MTSS1: variants seen among roughly 807,000 people sequenced by gnomAD.
MTSS1 encodes MTSS I-BAR domain containing 1.
In MTSS1, 18 loss-of-function variants were observed where a neutral mutation model predicts 79.0. That is an observed-to-expected ratio of 0.23 (90% confidence interval 0.16 to 0.34). The LOEUF is 0.34. Ranked by LOEUF, MTSS1 falls within the 10% of genes least tolerant of loss-of-function variation. MTSS1 has a pLI of 1.00. For missense variants in MTSS1, 815 were observed against 986.2 expected (o/e 0.83, Z 2.33); for synonymous variants, 341 against 368.6 (o/e 0.93, Z 0.86).
chr8:124,706,756 T>C (rs967087190), intron 1 of MTSS1, among the ~76,000 whole-genome samples: 4 of 152,238 alleles, frequency 2.6e-5, no homozygotes, highest in Non-Finnish European at 5.9e-5. Context: ...CAGAACTGTA[T>C]ATTAATTTAT....
intron 3 of MTSS1, among the ~76,000 whole-genome samples, chr8:124,645,205 C>CA (rs1427904738): frequency 1.3e-5 from 2 of 151,858 alleles, no homozygotes; most frequent in African/African-American, 2.4e-5. Flanking sequence ...CTAGTCTCTA[C>CA]AAAAAACAAA....
rs1228856417 is a variant in MTSS1, at chr8:124,727,187, G to A, written c.72+697C>T. Among the ~76,000 whole-genome samples, 2 of 152,214 alleles carry A rather than the reference G, an allele frequency of 1.3e-5. No homozygotes were observed. The highest frequency in any genetic ancestry group is 4.8e-5 in the African/African-American group (2 of 41,468). ...TGTGTGTCCGTTTGGGTCTGGGAGG[G>A]CAGGATACAGTTATTTCGGGGGCCC... On this transcript the variant is annotated intron_variant, in intron 1 of 13. Coordinates refer to ENST00000518547, the MANE Select transcript of MTSS1 (RefSeq NM_014751.6). The surrounding 1 kb of genome is among the most constrained non-coding windows in gnomAD (Gnocchi z 4.7).
intron 1 of MTSS1, among the ~76,000 whole-genome samples, chr8:124,709,085 A>G (rs187055731): frequency 9.9e-5 from 15 of 152,276 alleles, no homozygotes; most frequent in Admixed American, 2.0e-4. Context: ...GCTTAGAGGA[A>G]GTAAGAAAGG....
chr8:124,564,126 T>A (rs1825870054), intron 9 of MTSS1, among the ~76,000 whole-genome samples: 2 of 61,756 alleles, frequency 3.2e-5, no homozygotes, highest in East Asian at 3.8e-4. Flanking sequence ...CGAGACCCGA[T>A]CTCAAAAAAA....
intron 3 of MTSS1, among the ~76,000 whole-genome samples, chr8:124,604,889 G>A (rs1410196458): frequency 1.3e-5 from 2 of 152,132 alleles, no homozygotes; most frequent in Non-Finnish European, 2.9e-5. Flanking sequence ...CCACCATCTG[G>A]CGGCTTCAGA....
At chr8:124,704,394 TA>T (rs571032033) in intron 1 of MTSS1, among the ~76,000 whole-genome samples, 24 of 152,224 alleles carry the variant, frequency 1.6e-4, no homozygotes, top group Admixed American at 2.6e-4. Context: ...TATAATCTTG[TA>T]AATACTACAA....
chr8:124,650,781 T>C (rs533099525), intron 3 of MTSS1, among the ~76,000 whole-genome samples: 16 of 152,308 alleles, frequency 1.1e-4, no homozygotes, highest in African/African-American at 3.1e-4. Flanking sequence ...GCTATCTGAC[T>C]TATCCACTGC....
At position 124,582,085 on chromosome 8, in the gene MTSS1, C is replaced by CTGT. The variant is rs2132463918; in HGVS notation, c.460+2999_460+3001dup. 6.6e-6 allele frequency among the ~76,000 whole-genome samples: 1 copy of CTGT among 152,250 alleles called. No individual in the cohort carries two copies. The highest frequency in any genetic ancestry group is 2.4e-5 in the African/African-American group (1 of 41,536). On this transcript the variant is annotated intron_variant, in intron 6 of 13. Coordinates refer to ENST00000518547, the MANE Select transcript of MTSS1 (RefSeq NM_014751.6). This position sits in a 1 kb window ranked among gnomAD's most constrained non-coding sequence, Gnocchi z 4.8. ...CTGGCTCTGCCCCGTGCTCTTGACC[C>CTGT]TGTGCACGAGCCCAGAATTTCTCTG...
chr8:124,685,337 T>C (rs1279666824), intron 3 of MTSS1, among the ~76,000 whole-genome samples: 2 of 151,992 alleles, frequency 1.3e-5, no homozygotes, highest in African/African-American at 4.8e-5. Context: ...GAGAAAAAAA[T>C]AAAAGAAAGG....
intron 3 of MTSS1, among the ~76,000 whole-genome samples, chr8:124,649,660 T>C (rs1176174767): frequency 2.0e-5 from 3 of 152,138 alleles, no homozygotes; most frequent in Non-Finnish European, 1.5e-5. Flanking sequence ...ACAGGACTAA[T>C]GTGAATCCCT....
At chr8:124,608,010 TA>T (rs1835158935) in intron 3 of MTSS1, among the ~76,000 whole-genome samples, 1 of 152,148 alleles carries the variant, frequency 6.6e-6, no homozygotes, top group Admixed American at 6.5e-5. Context: ...AAGTGGAAGA[TA>T]AAATGTGTAT....
At position 124,728,153 on chromosome 8, in the gene MTSS1, A is replaced by C; in HGVS notation, c.-198T>G. 4 of 491,032 alleles carry C rather than the reference A, an allele frequency of 8.1e-6. No homozygotes were observed. Among genetic ancestry groups the C allele is most frequent in the Admixed American group, 4.0e-5 (1 of 24,840 alleles). The allele number at this position is 491,032 out of a possible 1,614,324, so 30.4% of individuals were successfully genotyped here. On this transcript the variant is annotated 5_prime_UTR_variant, in exon 1 of 14. Coordinates refer to ENST00000518547, the MANE Select transcript of MTSS1 (RefSeq NM_014751.6). This position sits in a 1 kb window ranked among gnomAD's most constrained non-coding sequence, Gnocchi z 6.1. ...TAATAACAGTAATTTAAAAAGCCAA[A>C]CCGCTCTGTAGGGTATTCGCCTACA...
chr8:124,701,411 T>G (rs78394043), intron 2 of MTSS1, among the ~76,000 whole-genome samples: 1 of 152,322 alleles, frequency 6.6e-6, no homozygotes, highest in African/African-American at 2.4e-5. Flanking sequence ...TATTTTCCAG[T>G]AGGGCAAGAA....
intron 6 of MTSS1, among the ~76,000 whole-genome samples, chr8:124,584,147 A>C (rs977539881): frequency 3.3e-5 from 5 of 152,242 alleles, no homozygotes; most frequent in Non-Finnish European, 7.3e-5. Flanking sequence ...ACCACCCTCC[A>C]CAATCCCATC....
At chr8:124,600,459 G>T (rs1269908586) in intron 3 of MTSS1, among the ~76,000 whole-genome samples, 2 of 152,238 alleles carry the variant, frequency 1.3e-5, no homozygotes, top group African/African-American at 4.8e-5. Flanking sequence ...TGTGAGAAGT[G>T]TGTGTGCGCA....
At chr8:124,665,201 A>G (rs1202363637) in intron 3 of MTSS1, among the ~76,000 whole-genome samples, 1 of 152,220 alleles carries the variant, frequency 6.6e-6, no homozygotes, top group African/African-American at 2.4e-5. Context: ...CTGCCTTCCA[A>G]TGTTGAAACA....
chr8:124,676,288 T>A (rs1459575240), intron 3 of MTSS1, among the ~76,000 whole-genome samples: 1 of 152,208 alleles, frequency 6.6e-6, no homozygotes, highest in African/African-American at 2.4e-5. Context: ...AAAGATTAAA[T>A]TCTTTAAAAA....
intron 3 of MTSS1, among the ~76,000 whole-genome samples, chr8:124,685,455 C>T (rs944956239): frequency 7.2e-5 from 11 of 152,224 alleles, no homozygotes; most frequent in Non-Finnish European, 1.2e-4. Context: ...GCTACGACAG[C>T]GAAGCCCAGA....
chr8:124,591,561 AC>A (rs1162791151), intron 3 of MTSS1, among the ~76,000 whole-genome samples: 1 of 152,248 alleles, frequency 6.6e-6, no homozygotes, highest in Non-Finnish European at 1.5e-5. Context: ...CTATAAATCG[AC>A]CATGACCTGT....
Sources: gnomAD v4.1 joint callset for allele counts (sites outside exome capture counted in the v4.1 genomes callset) on GRCh38, gnomAD v4.1.1 for gene constraint, Gnocchi (gnomAD v3.1) non-coding constraint, MANE v1.5 for transcripts, NCBI Gene and HGNC (gene_info 2026-07-23, HGNC 2026-07-21) for gene names.